DUSP11: variants seen among roughly 807,000 people sequenced by gnomAD.
The protein encoded by DUSP11 is dual specificity phosphatase 11, also known as RNA/RNP complex-1-interacting phosphatase.
Under a neutral mutation model 41.4 loss-of-function variants are expected in DUSP11, and 27 were observed. The observed-to-expected ratio is 0.65, with a 90% CI of 0.48 to 0.90. DUSP11 has a LOEUF of 0.90. Ranked by LOEUF, DUSP11 falls within the 40% of genes least tolerant of loss-of-function variation. The pLI, the probability that DUSP11 is intolerant of heterozygous loss-of-function variation, is 0.00. For missense variants in DUSP11, 465 were observed against 461.1 expected (o/e 1.01, Z -0.08); for synonymous variants, 188 against 159.3 (o/e 1.18, Z -1.35).
chr2:73,776,599 T>A (rs954009593), intron 2 of DUSP11, among the ~76,000 whole-genome samples: 1 of 152,038 alleles, frequency 6.6e-6, no homozygotes, highest in Non-Finnish European at 1.5e-5. Flanking sequence ...CTCTGACACA[T>A]CGTTATCACC....
At chr2:73,764,899 G>T (rs1672429459) in intron 8 of DUSP11, among the ~76,000 whole-genome samples, 2 of 152,162 alleles carry the variant, frequency 1.3e-5, no homozygotes, top group Non-Finnish European at 2.9e-5. Flanking sequence ...CTGGGAGGTG[G>T]AGGTTGCAGT....
chr2:73,762,769 A>G, exon 9 of DUSP11: 2 of 1,613,840 alleles, frequency 1.2e-6, no homozygotes, highest in Non-Finnish European at 1.7e-6. Context: ...TCACATTCCA[A>G]GAATACCTCC....
intron 4 of DUSP11, among the ~76,000 whole-genome samples, chr2:73,769,706 C>T (rs1672536049): frequency 6.6e-6 from 1 of 152,222 alleles, no homozygotes; most frequent in South Asian, 2.1e-4. Flanking sequence ...ACTCTTGATA[C>T]TGAATATTAA....
chr2:73,768,319 T>C (rs1672508215), intron 5 of DUSP11: 1 of 310,464 alleles, frequency 3.2e-6, no homozygotes, highest in South Asian at 1.3e-4. Flanking sequence ...TTTGTGTGAT[T>C]CTTTAATATC....
At chr2:73,763,934 T>C (rs1672410348) in intron 8 of DUSP11, among the ~76,000 whole-genome samples, 1 of 152,178 alleles carries the variant, frequency 6.6e-6, no homozygotes, top group Non-Finnish European at 1.5e-5. Context: ...TGTTATAGTA[T>C]GGATATAATT....
exon 1 of DUSP11, chr2:73,780,098 C>A (rs1232684377): frequency 1.3e-6 from 2 of 1,564,642 alleles, no homozygotes; most frequent in South Asian, 1.1e-5. Context: ...CGCGCTCCAG[C>A]GTCTCGCTAT....
intron 8 of DUSP11, among the ~76,000 whole-genome samples, chr2:73,765,781 T>C (rs1211809058): frequency 6.6e-6 from 1 of 152,234 alleles, no homozygotes; most frequent in Admixed American, 6.5e-5. Flanking sequence ...ACTCCTTAAA[T>C]AACAATCTTC....
At chr2:73,769,533 T>C (rs1319693600) in intron 4 of DUSP11, among the ~76,000 whole-genome samples, 1 of 152,218 alleles carries the variant, frequency 6.6e-6, no homozygotes, top group Non-Finnish European at 1.5e-5. Context: ...ACTGCAAGCC[T>C]GGTCAGACAC....
At chr2:73,775,605 C>T (rs1672665009) in intron 2 of DUSP11, among the ~76,000 whole-genome samples, 1 of 149,892 alleles carries the variant, frequency 6.7e-6, no homozygotes, top group Admixed American at 6.7e-5. Context: ...CCTGTAATCC[C>T]AGCACTTTGG....
At chr2:73,778,978 T>C (rs1341753211) in intron 1 of DUSP11, among the ~76,000 whole-genome samples, 1 of 151,936 alleles carries the variant, frequency 6.6e-6, no homozygotes, top group African/African-American at 2.4e-5. Flanking sequence ...TGAAACCCCA[T>C]CTCTACTAAA....
In DUSP11 at chr2:73,779,856, G is replaced by A. The variant is rs878949555; in HGVS notation, c.242+18C>T. 1.2e-6 allele frequency: 2 copies of A among 1,612,736 alleles called. No individual in the cohort carries two copies. The highest frequency in any genetic ancestry group is 1.7e-5 in the Admixed American group (1 of 59,986). On this transcript the variant is annotated intron_variant, in intron 1 of 8. Coordinates refer to ENST00000272444, the Ensembl canonical transcript of DUSP11. ...CCACGAGCTGGAAAGGCCACGCCAA[G>A]GGACCAAGACATACTACCTTTCGGG...
intron 4 of DUSP11, among the ~76,000 whole-genome samples, chr2:73,771,746 C>A (rs1672582915): frequency 6.7e-6 from 1 of 149,924 alleles, no homozygotes. Context: ...TCATGATCTG[C>A]CCACCTCGGC....
exon 4 of DUSP11, chr2:73,773,904 G>A: frequency 6.2e-7 from 1 of 1,602,570 alleles, no homozygotes; most frequent in Non-Finnish European, 8.5e-7. Context: ...TTTTAAGTAA[G>A]GAACAGTTTC....
intron 1 of DUSP11, 48 bp downstream of exon 1, chr2:73,779,826 A>C (rs780433976): frequency 1.2e-6 from 2 of 1,608,884 alleles, no homozygotes; most frequent in Non-Finnish European, 1.7e-6. Context: ...GCCCAGACCC[A>C]GAAGCCACGA....
At chr2:73,769,380 C>T in intron 4 of DUSP11, 55 bp from the exon 5 acceptor site, 1 of 1,212,402 alleles carries the variant, frequency 8.2e-7, no homozygotes, top group South Asian at 1.3e-5. Context: ...AAGTATATAA[C>T]ATTATCACTG....
chr2:73,762,410 A>G, exon 9 of DUSP11: 1 of 286,194 alleles, frequency 3.5e-6, no homozygotes, highest in Non-Finnish European at 6.4e-6. Flanking sequence ...GAAGTTCTCA[A>G]TGCTTCAGTT....
chr2:73,779,823 C>A (rs1441788865), intron 1 of DUSP11, 51 bp downstream of exon 1: 2 of 1,608,188 alleles, frequency 1.2e-6, no homozygotes, highest in African/African-American at 1.3e-5. Context: ...GAAGCCCAGA[C>A]CCAGAAGCCA....
In DUSP11 at chr2:73,767,240, T is replaced by C. The variant is rs776164591; in HGVS notation, c.636-33A>G. ...AACAACATAATTTGGGTCATTTATATACGAAAAGAAAAAAATCAAGTTTTT... is the reference window on the plus strand; with the variant it reads ...AACAACATAATTTGGGTCATTTATACACGAAAAGAAAAAAATCAAGTTTTT... On this transcript the variant is annotated intron_variant, in intron 5 of 8. Transcript: ENST00000272444. 14 of 1,567,694 alleles carry C rather than the reference T, an allele frequency of 8.9e-6. No individual in the cohort carries two copies. In the South Asian group the frequency reaches 1.6e-4, roughly 18 times the overall value.
At chr2:73,776,556 A>C (rs1672690789) in intron 2 of DUSP11, among the ~76,000 whole-genome samples, 2 of 152,012 alleles carry the variant, frequency 1.3e-5, no homozygotes, top group South Asian at 4.1e-4. Flanking sequence ...ATTCCATACC[A>C]GTGTGGTCCA....
Sources: allele counts gnomAD v4.1 joint callset (sites outside exome capture counted in the v4.1 genomes callset), GRCh38; gene constraint gnomAD v4.1.1; transcripts MANE v1.5; gene names NCBI Gene and HGNC (gene_info 2026-07-23, HGNC 2026-07-21).